The following CTNND2 variants were observed in gnomAD, a reference collection of about 807,000 sequenced individuals.
CTNND2 encodes catenin delta 2.
A neutral mutation model predicts 144.4 loss-of-function variants in CTNND2; 22 were observed. The ratio of observed to expected loss-of-function variants is 0.15; its 90% CI spans 0.11 to 0.22. The LOEUF is 0.22. CTNND2 is among the 10% of genes least tolerant of loss of function. The pLI is 1.00. For synonymous variants in CTNND2, 751 were observed against 695.6 expected, an observed-to-expected ratio of 1.08 and a Z score of -1.25; for missense variants, 1,353 against 1,618.8, an observed-to-expected ratio of 0.84 and a Z score of 2.82.
At chr5:11,210,261 G>A (rs1675994780) in intron 10 of CTNND2, among the ~76,000 whole-genome samples, 1 of 152,180 alleles carries the variant, frequency 6.6e-6, no homozygotes, top group South Asian at 2.1e-4. Flanking sequence ...AGCCAGGCGT[G>A]GTGGTGCACA....
chr5:11,411,719 C>T, intron 4 of CTNND2, 67 bp from the exon 5 acceptor site: 1 of 980,404 alleles, frequency 1.0e-6, no homozygotes, highest in Non-Finnish European at 1.6e-6. Context: ...TTTAGGTTAT[C>T]ATTTAATCAT....
intron 7 of CTNND2, among the ~76,000 whole-genome samples, chr5:11,368,876 A>C (rs1757210938): frequency 6.6e-6 from 1 of 152,356 alleles, no homozygotes; most frequent in South Asian, 2.1e-4. Flanking sequence ...TTGGAGGGTC[A>C]GATGAGAGAG....
At chr5:11,666,196 C>G (rs1783561976) in intron 2 of CTNND2, among the ~76,000 whole-genome samples, 1 of 152,078 alleles carries the variant, frequency 6.6e-6, no homozygotes, top group Non-Finnish European at 1.5e-5. Flanking sequence ...TGTGCACTGC[C>G]AAAAAGCACC....
At chr5:11,489,843 A>C (rs979349154) in intron 3 of CTNND2, among the ~76,000 whole-genome samples, 5 of 152,220 alleles carry the variant, frequency 3.3e-5, no homozygotes, top group African/African-American at 7.2e-5. Context: ...TGTGTGTGAA[A>C]CAACAACTTA....
intron 1 of CTNND2, among the ~76,000 whole-genome samples, chr5:11,807,079 T>C (rs1050773099): frequency 6.6e-6 from 1 of 152,172 alleles, no homozygotes; most frequent in African/African-American, 2.4e-5. Context: ...ATATCACCCC[T>C]GCTTAAACTC....
intron 10 of CTNND2, among the ~76,000 whole-genome samples, chr5:11,218,548 C>T (rs956701905): frequency 6.6e-6 from 1 of 152,004 alleles, no homozygotes; most frequent in African/African-American, 2.4e-5. Context: ...TTGAGATTGG[C>T]TTTTTCTCAG....
intron 10 of CTNND2, among the ~76,000 whole-genome samples, chr5:11,208,260 G>C (rs1170027602): frequency 1.3e-5 from 2 of 152,112 alleles, no homozygotes; most frequent in South Asian, 4.1e-4. Context: ...GTGTTATAAA[G>C]ATTTCCACTG....
intron 2 of CTNND2, among the ~76,000 whole-genome samples, chr5:11,633,765 G>C (rs1040817913): frequency 2.4e-4 from 32 of 133,950 alleles, no homozygotes; most frequent in African/African-American, 9.1e-4. Context: ...GACAGAATGA[G>C]GCACTGTCTC....
At chr5:11,663,540 A>G (rs559101771) in intron 2 of CTNND2, among the ~76,000 whole-genome samples, 6 of 152,288 alleles carry the variant, frequency 3.9e-5, no homozygotes, top group Non-Finnish European at 7.4e-5. Context: ...ATTAAACTAC[A>G]TATGTGTGTA....
chr5:11,837,879 A>T (rs1794262629), intron 1 of CTNND2, among the ~76,000 whole-genome samples: 1 of 152,196 alleles, frequency 6.6e-6, no homozygotes, highest in Non-Finnish European at 1.5e-5. Flanking sequence ...TTGGAGAAGA[A>T]ATCAATTCTG....
chr5:11,745,986 C>T (rs537913543), intron 1 of CTNND2, among the ~76,000 whole-genome samples: 9 of 152,208 alleles, frequency 5.9e-5, no homozygotes, highest in African/African-American at 1.7e-4. Flanking sequence ...ATTTAAAATG[C>T]TAGTGTCACC....
intron 2 of CTNND2, among the ~76,000 whole-genome samples, chr5:11,639,418 T>C (rs1053172845): frequency 6.6e-6 from 1 of 152,156 alleles, no homozygotes; most frequent in Non-Finnish European, 1.5e-5. Flanking sequence ...ATATGGATAG[T>C]CCAATTTGAG....
chr5:11,727,850 T>A (rs1486098756), intron 2 of CTNND2, among the ~76,000 whole-genome samples: 1 of 152,238 alleles, frequency 6.6e-6, no homozygotes, highest in Non-Finnish European at 1.5e-5. Flanking sequence ...CATTGTGTTA[T>A]CAGAAATTAT....
chr5:11,656,984 T>G (rs1782949504), intron 2 of CTNND2, among the ~76,000 whole-genome samples: 2 of 152,146 alleles, frequency 1.3e-5, no homozygotes, highest in African/African-American at 4.8e-5. Flanking sequence ...CAGTTAGGGC[T>G]GTTGTCTGAA....
intron 12 of CTNND2, among the ~76,000 whole-genome samples, chr5:11,128,798 T>TATATA (rs1754993590): frequency 7.0e-4 from 21 of 30,076 alleles, no homozygotes; most frequent in South Asian, 3.8e-3. Context: ...ATATATATTA[T>TATATA]ATATATACAA....
chr5:11,735,942 C>T (rs1020350926), intron 1 of CTNND2, among the ~76,000 whole-genome samples: 28 of 152,296 alleles, frequency 1.8e-4, no homozygotes, highest in African/African-American at 6.5e-4. Context: ...TTTTAAATTA[C>T]CATTTTAATT....
At chr5:11,120,240 G>A (rs1010861918) in intron 12 of CTNND2, among the ~76,000 whole-genome samples, 3 of 152,232 alleles carry the variant, frequency 2.0e-5, no homozygotes, top group African/African-American at 7.2e-5. Context: ...TAGACTTCAA[G>A]AGGGGGTTAT....
intron 2 of CTNND2, among the ~76,000 whole-genome samples, chr5:11,672,513 T>C (rs770731295): frequency 2.6e-5 from 4 of 152,174 alleles, no homozygotes; most frequent in Non-Finnish European, 5.9e-5. Flanking sequence ...GTGGTTCACC[T>C]TGCTGAGCTA....
At chr5:11,140,582 A>C (rs772303992) in intron 12 of CTNND2, among the ~76,000 whole-genome samples, 30 of 152,216 alleles carry the variant, frequency 2.0e-4, no homozygotes, top group Non-Finnish European at 3.7e-4. Flanking sequence ...ATCTATATTT[A>C]CCAATGCTAC....
Sources: gnomAD v4.1 joint callset for allele counts (sites outside exome capture counted in the v4.1 genomes callset) on GRCh38, gnomAD v4.1.1 for gene constraint, MANE v1.5 for transcripts, NCBI Gene and HGNC (gene_info 2026-07-23, HGNC 2026-07-21) for gene names.